Variants in NDUFAF6 observed in about 807,000 individuals in gnomAD.
NDUFAF6 encodes NADH dehydrogenase (ubiquinone) complex I, assembly factor 6.
NDUFAF6 carries 45 observed loss-of-function variants against 40.8 expected under a neutral mutation model. The observed-to-expected ratio is 1.10, with a 90% CI of 0.87 to 1.42. The LOEUF (loss-of-function observed/expected upper bound fraction) is 1.42, where lower values mean the gene tolerates loss of function less well. Ranked by LOEUF, NDUFAF6 falls within the 40% of genes most tolerant of loss-of-function variation. The pLI is 0.00. For missense variants in NDUFAF6, 435 were observed against 418.5 expected, an observed-to-expected ratio of 1.04 and a Z score of -0.34; for synonymous variants, 185 against 155.9, an observed-to-expected ratio of 1.19 and a Z score of -1.39.
chr8:94,984,136 G>A (rs974724202), intron 2 of NDUFAF6: 4 of 152,122 alleles, frequency 2.6e-5, no homozygotes, highest in African/African-American at 9.7e-5. Context: ...AGAAACCAGA[G>A]GTCCTATCAA....
intron 1 of NDUFAF6, chr8:94,974,933 C>G (rs558380715): frequency 5.9e-5 from 9 of 152,418 alleles, no homozygotes; most frequent in African/African-American, 2.2e-4. Flanking sequence ...ACCTGAGATT[C>G]AAACCCAGGG....
At chr8:94,998,809 A>G (rs1826581146) in intron 2 of NDUFAF6, among the ~76,000 whole-genome samples, 1 of 152,204 alleles carries the variant, frequency 6.6e-6, no homozygotes, top group Non-Finnish European at 1.5e-5. Context: ...CAGGTAGAAA[A>G]GGAAGGCAAG....
chr8:94,985,515 A>ATATT (rs1825822204), intron 2 of NDUFAF6, among the ~76,000 whole-genome samples: 1 of 6,602 alleles, frequency 1.5e-4, no homozygotes, highest in Non-Finnish European at 2.2e-4. Context: ...ATATATATAT[A>ATATT]TTTTTTTTTT....
In NDUFAF6 at chr8:95,058,237, G is replaced by C; in HGVS notation, c.*300G>C. The stretch of plus-strand genomic sequence containing the variant: ...TGTGCATAGGCCATAAGCCACACTT[G>C]AGCCAGTGGGCAGGGAGAAGGAATG... On this transcript the variant is annotated 3_prime_UTR_variant, in exon 9 of 9. Coordinates refer to ENST00000396124, the MANE Select transcript of NDUFAF6 (RefSeq NM_152416.4). 7.5e-7 allele frequency: 1 copy of C among 1,328,246 alleles called. No individual in the cohort carries two copies. Among genetic ancestry groups the C allele is most frequent in the Non-Finnish European group, 9.6e-7 (1 of 1,045,164 alleles). The allele number at this position is 1,328,246 out of a possible 1,614,324, so 82.3% of individuals were successfully genotyped here. A position where few individuals can be genotyped will look rare whatever the true frequency, so the allele number is the denominator to read the frequency against.
intron 7 of NDUFAF6, among the ~76,000 whole-genome samples, chr8:95,051,160 T>G (rs1372230961): frequency 6.6e-6 from 1 of 152,108 alleles, no homozygotes; most frequent in Non-Finnish European, 1.5e-5. Flanking sequence ...GGCTCCAAGT[T>G]TGGATGGTGT....
chr8:94,923,997 C>T (rs1368265495), intron 1 of NDUFAF6, among the ~76,000 whole-genome samples: 4 of 151,494 alleles, frequency 2.6e-5, no homozygotes, highest in Non-Finnish European at 5.9e-5. Context: ...CTGAATTTTG[C>T]TTTTTTTCAC....
intron 4 of NDUFAF6, among the ~76,000 whole-genome samples, chr8:95,045,180 G>C (rs1182589617): frequency 6.6e-6 from 1 of 152,080 alleles, no homozygotes; most frequent in Non-Finnish European, 1.5e-5. Flanking sequence ...CTCTTGGAGG[G>C]GGGGTTGTTT....
At chr8:94,968,863 T>A (rs1169473449) in intron 1 of NDUFAF6, among the ~76,000 whole-genome samples, 1 of 151,966 alleles carries the variant, frequency 6.6e-6, no homozygotes, top group Non-Finnish European at 1.5e-5. Context: ...TCTAGATATA[T>A]TTGATAAGAT....
intron 1 of NDUFAF6, among the ~76,000 whole-genome samples, chr8:94,912,884 C>T (rs1050809821): frequency 2.5e-4 from 38 of 151,830 alleles, no homozygotes; most frequent in Admixed American, 1.4e-3. Context: ...GAGGCTGAGG[C>T]AGGAGAATCA....
intron 1 of NDUFAF6, among the ~76,000 whole-genome samples, chr8:94,905,839 A>G (rs1818357607): frequency 6.6e-6 from 1 of 152,004 alleles, no homozygotes; most frequent in South Asian, 2.1e-4. Flanking sequence ...GGTGTTTCCT[A>G]TGGCACCTGC....
intron 2 of NDUFAF6, among the ~76,000 whole-genome samples, chr8:95,018,163 T>C (rs1329423177): frequency 1.3e-5 from 2 of 151,822 alleles, no homozygotes; most frequent in African/African-American, 2.4e-5. Context: ...AACTCAGCCT[T>C]TGAGTAGCTG....
At chr8:94,903,670 G>C (rs1397882354) in intron 1 of NDUFAF6, among the ~76,000 whole-genome samples, 1 of 152,164 alleles carries the variant, frequency 6.6e-6, no homozygotes, top group East Asian at 1.9e-4. Context: ...TGTAACATTT[G>C]TATTTCCTTA....
intron 2 of NDUFAF6, among the ~76,000 whole-genome samples, chr8:95,089,131 G>A (rs985550777): frequency 3.9e-5 from 6 of 151,992 alleles, no homozygotes; most frequent in South Asian, 2.1e-4. Flanking sequence ...TGCGATCTCC[G>A]CCCACTGCAA....
At chr8:94,948,884 C>T (rs1822271342) in intron 2 of NDUFAF6, among the ~76,000 whole-genome samples, 1 of 151,772 alleles carries the variant, frequency 6.6e-6, no homozygotes, top group African/African-American at 2.4e-5. Flanking sequence ...GGGGCCAGGC[C>T]GGGCCCTTGT....
downstream of NDUFAF6, among the ~76,000 whole-genome samples, chr8:95,117,113 G>A (rs1810151816): frequency 6.6e-6 from 1 of 152,216 alleles, no homozygotes; most frequent in South Asian, 2.1e-4. Flanking sequence ...ACCCTGCTGA[G>A]CATAGATCAG....
downstream of NDUFAF6, among the ~76,000 whole-genome samples, chr8:95,117,490 T>C (rs1810160592): frequency 6.6e-6 from 1 of 152,244 alleles, no homozygotes; most frequent in African/African-American, 2.4e-5. Context: ...GTTAAATGTC[T>C]GGATAGTGAG....
At chr8:95,000,461 T>G (rs1313455412) in intron 2 of NDUFAF6, among the ~76,000 whole-genome samples, 1 of 152,114 alleles carries the variant, frequency 6.6e-6, no homozygotes, top group Non-Finnish European at 1.5e-5. Context: ...GCCTCTACCC[T>G]CATAGAACCA....
At chr8:95,077,819 A>C (rs957481121), downstream of NDUFAF6, among the ~76,000 whole-genome samples, 1 of 152,120 alleles carries the variant, frequency 6.6e-6, no homozygotes, top group Non-Finnish European at 1.5e-5. Context: ...GACCAGAAGC[A>C]AGCTCTTAGG....
At chr8:95,078,766 T>G (rs1166524920), downstream of NDUFAF6, 1 of 151,962 alleles carries the variant, frequency 6.6e-6, no homozygotes, top group Non-Finnish European at 1.5e-5. Context: ...TCTCTAGTTT[T>G]GCATCATTTC....
Sources: gnomAD v4.1 joint callset for allele counts (sites outside exome capture counted in the v4.1 genomes callset) on GRCh38, gnomAD v4.1.1 for gene constraint, MANE v1.5 for transcripts, NCBI Gene and HGNC (gene_info 2026-07-23, HGNC 2026-07-21) for gene names.